Variants in TLN2 observed in about 807,000 individuals in gnomAD.
The protein encoded by TLN2 is talin 2, also known as talin-2.
In TLN2, 118 loss-of-function variants were observed where a neutral mutation model predicts 294.7. The observed-to-expected ratio is 0.40, with a 90% CI of 0.34 to 0.47. The LOEUF (loss-of-function observed/expected upper bound fraction) is 0.47, where lower values mean the gene tolerates loss of function less well. Among genes scored for constraint, TLN2 ranks in the 20% least tolerant of loss-of-function variants. TLN2 has a pLI of 0.84. For synonymous variants in TLN2, 1,431 were observed against 1,304.5 expected (o/e 1.10, Z -2.09); for missense variants, 3,083 against 3,282.2 (o/e 0.94, Z 1.48).
intron 2 of TLN2, among the ~76,000 whole-genome samples, chr15:62,603,659 T>C (rs950766222): frequency 1.3e-5 from 2 of 152,234 alleles, no homozygotes; most frequent in South Asian, 2.1e-4. Context: ...AGGTGACTCC[T>C]TTTGTAAAGA....
intron 9 of TLN2, among the ~76,000 whole-genome samples, chr15:62,668,955 A>T (rs2140992766): frequency 6.6e-6 from 1 of 152,314 alleles, no homozygotes; most frequent in Non-Finnish European, 1.5e-5. Context: ...CCATTATTCT[A>T]ACTTTGAACT....
intron 28 of TLN2, 88 bp from the exon 29 acceptor site, chr15:62,736,790 C>A: frequency 7.1e-7 from 1 of 1,415,508 alleles, no homozygotes; most frequent in South Asian, 1.3e-5. Flanking sequence ...CCCTTCTGTG[C>A]CAGGCCCTGG....
At chr15:62,475,274 A>T (rs2037724722) in intron 1 of TLN2, among the ~76,000 whole-genome samples, 1 of 152,202 alleles carries the variant, frequency 6.6e-6, no homozygotes, top group Admixed American at 6.5e-5. Flanking sequence ...TGGGGACATT[A>T]ATTTTCAGTT....
At chr15:62,773,975 C>T (rs1159489725) in intron 42 of TLN2, among the ~76,000 whole-genome samples, 2 of 152,138 alleles carry the variant, frequency 1.3e-5, no homozygotes, top group Non-Finnish European at 2.9e-5. Context: ...AGCTCTTCTG[C>T]GGTATTCTCT....
intron 1 of TLN2, among the ~76,000 whole-genome samples, chr15:62,475,865 G>C (rs2037756928): frequency 6.6e-6 from 1 of 152,196 alleles, no homozygotes; most frequent in Non-Finnish European, 1.5e-5. Flanking sequence ...AATAACATTT[G>C]TTTAGAAACA....
At chr15:62,658,038 A>G (rs2053407623) in intron 9 of TLN2, 140 bp downstream of exon 9, 7 of 837,262 alleles carry the variant, frequency 8.4e-6, no homozygotes, top group Non-Finnish European at 1.2e-5. Context: ...TCCATCGAGT[A>G]GATGACCAAA....
Position 62,589,461 on chromosome 15 carries a change from G to A in TLN2, c.-237-226G>A, listed in dbSNP as rs79403875. Among the ~76,000 whole-genome samples the A allele has an allele frequency of 1.6e-4, 24 of 152,286 alleles. No individual in the cohort carries two copies. In the East Asian group the frequency reaches 4.6e-3, roughly 29 times the overall value. On this transcript the variant is annotated intron_variant, in intron 1 of 58. Transcript: ENST00000636159. Reference sequence around the variant, plus strand: ...CACAAGGAAGAAGAAAATGTGTTTTGTCTCTCTGCCAGCAGTAACATAATT... The same window carrying A: ...CACAAGGAAGAAGAAAATGTGTTTTATCTCTCTGCCAGCAGTAACATAATT...
chr15:62,770,279 A>G lies in TLN2; in HGVS notation c.5197-685A>G, dbSNP rs137892717. Among the ~76,000 whole-genome samples, 4 of 152,358 alleles carry G rather than the reference A, an allele frequency of 2.6e-5. No homozygotes were observed. In the East Asian group the frequency reaches 5.8e-4, roughly 22 times the overall value. On this transcript the variant is annotated intron_variant, in intron 41 of 58. Coordinates refer to ENST00000636159, the MANE Select transcript of TLN2 (RefSeq NM_015059.3). ...GCCTGGCATAGGGGGTGCGCCCGCT[A>G]GATGTTTGCAACACATGGCCCACAG...
chr15:62,459,243 A>G (rs1219593113), intron 1 of TLN2, among the ~76,000 whole-genome samples: 3 of 147,030 alleles, frequency 2.0e-5, no homozygotes, highest in East Asian at 2.0e-4. Context: ...CTCGTGATCC[A>G]CCTACCTTGG....
At chr15:62,625,825 G>T (rs2140873150) in intron 3 of TLN2, among the ~76,000 whole-genome samples, 1 of 152,276 alleles carries the variant, frequency 6.6e-6, no homozygotes, top group Non-Finnish European at 1.5e-5. Flanking sequence ...CGCTGGAGAG[G>T]GCAGAGATCT....
At chr15:62,768,548 G>A (rs1440072278) in intron 41 of TLN2, among the ~76,000 whole-genome samples, 4 of 152,192 alleles carry the variant, frequency 2.6e-5, no homozygotes, top group African/African-American at 9.7e-5. Flanking sequence ...CAGGTTGCAG[G>A]TGTTTGAATA....
intron 1 of TLN2, among the ~76,000 whole-genome samples, chr15:62,450,547 A>ATGTATGTG (rs1229690037): frequency 2.2e-5 from 3 of 136,062 alleles, no homozygotes; most frequent in African/African-American, 8.9e-5. Context: ...GTATGTATGT[A>ATGTATGTG]TGTGTGTGTG....
chr15:62,402,759 A>C (rs960030756), intron 1 of TLN2, among the ~76,000 whole-genome samples: 4 of 152,222 alleles, frequency 2.6e-5, no homozygotes, highest in African/African-American at 9.6e-5. Flanking sequence ...AGAAGAAGCA[A>C]TTAGAAGCTA....
At chr15:62,687,564 A>G (rs2141045598) in intron 12 of TLN2, among the ~76,000 whole-genome samples, 1 of 152,386 alleles carries the variant, frequency 6.6e-6, no homozygotes, top group South Asian at 2.1e-4. Context: ...TGTGAAACAC[A>G]ATAGAGCGGG....
At chr15:62,671,403 T>C (rs1487919408) in intron 9 of TLN2, among the ~76,000 whole-genome samples, 2 of 152,270 alleles carry the variant, frequency 1.3e-5, no homozygotes, top group African/African-American at 4.8e-5. Context: ...GAGAGTTTTA[T>C]AGATTTAGCT....
At chr15:62,552,737 A>G (rs570494361) in intron 1 of TLN2, among the ~76,000 whole-genome samples, 1 of 152,360 alleles carries the variant, frequency 6.6e-6, no homozygotes, top group East Asian at 1.9e-4. Flanking sequence ...TAGTGAATTG[A>G]CAATATATTA....
rs762194704 is a variant in TLN2, at chr15:62,702,776, C to G, written c.1916C>G (p.Thr639Arg). 19 of 1,614,042 alleles carry G rather than the reference C, an allele frequency of 1.2e-5. No homozygotes were observed. The highest frequency in any genetic ancestry group is 4.0e-5 in the African/African-American group (3 of 74,930). ...GTTGTTTGTTCACAGCCTCGACAGA[C>G]AGTTTTGACTGCTGCTGGCAGCATC... Reference protein sequence around the residue: ...VQPTSGEPRQTVLTAAGSIGQ... With the variant: ...VQPTSGEPRQRVLTAAGSIGQ... The change falls in exon 19 of 59, where the codon ACA becomes AGA. Residue 639 changes from threonine (T) to arginine (R), a missense_variant. By Grantham distance (71) the Thr-to-Arg change is moderately conservative (BLOSUM62 -1). Coordinates refer to ENST00000636159, the MANE Select transcript of TLN2 (RefSeq NM_015059.3).
rs992798914 is a variant in TLN2, at chr15:62,390,597, G to C, written c.-326G>C. The C allele has an allele frequency of 1.3e-5, 2 of 152,238 alleles. No homozygotes were observed. Among genetic ancestry groups the C allele is most frequent in the Non-Finnish European group, 2.9e-5 (2 of 68,096 alleles). The allele number at this position is 152,238 out of a possible 1,614,324, so 9.4% of individuals were successfully genotyped here. On this transcript the variant is annotated 5_prime_UTR_variant, in exon 1 of 59. Coordinates refer to ENST00000636159, the MANE Select transcript of TLN2 (RefSeq NM_015059.3). Reference sequence around the variant, plus strand: ...CGGCGGCAGCGGCTGAGGCGGCTGCGGGAGCGGAGTGGTCGCCCAGCGCGC... The same window carrying C: ...CGGCGGCAGCGGCTGAGGCGGCTGCCGGAGCGGAGTGGTCGCCCAGCGCGC...
Position 62,687,868 on chromosome 15 carries a change from G to T in TLN2, c.1113+1072G>T, listed in dbSNP as rs2057420706. On this transcript the variant is annotated intron_variant, in intron 12 of 58. Transcript: ENST00000636159. Reference sequence around the variant, plus strand: ...ATTTGTGCCTGTGTGGCCCTCAAAAGATGAATGTTCATACTTAGCTGTGTC... The same window carrying T: ...ATTTGTGCCTGTGTGGCCCTCAAAATATGAATGTTCATACTTAGCTGTGTC... 3 of 152,224 alleles carry T rather than the reference G, an allele frequency of 2.0e-5. No individual in the cohort carries two copies. The South Asian group carries it at 6.2e-4, about 31-fold the overall frequency. 9.4% of individuals were successfully genotyped at this position (152,224 alleles called of 1,614,324 possible). A position where few individuals can be genotyped will look rare whatever the true frequency, so the allele number is the denominator to read the frequency against.
Sources: gnomAD v4.1 joint callset for allele counts (sites outside exome capture counted in the v4.1 genomes callset) on GRCh38, gnomAD v4.1.1 for gene constraint, MANE v1.5 for transcripts, NCBI Gene and HGNC (gene_info 2026-07-23, HGNC 2026-07-21) for gene names.